Variants in HMCN2 observed in about 807,000 individuals in gnomAD.
HMCN2 encodes the protein hemicentin-2.
Under a neutral mutation model 377.5 loss-of-function variants are expected in HMCN2, and 325 were observed. The observed-to-expected ratio is 0.86, with a 90% CI of 0.79 to 0.94. The LOEUF (loss-of-function observed/expected upper bound fraction) is 0.94. Among genes scored for constraint, HMCN2 ranks in the 40% least tolerant of loss-of-function variants. The probability of loss-of-function intolerance (pLI) is 0.00; values close to 1 mark genes in which losing one functional copy is unlikely to be tolerated. For synonymous variants in HMCN2, 2,007 were observed against 2,046.8 expected (o/e 0.98, Z 0.53); for missense variants, 4,543 against 4,725.3 (o/e 0.96, Z 1.13).
rs1285992443 is a variant in HMCN2 at position 130,356,093 on chromosome 9, T to C, written c.5261T>C (p.Leu1754Pro). ...SGSPVPTIQW[L>P]QNGRPAEELA... ...CCCCTCCCTACTCACCTTAGGTGGC[T>C]GCAGAATGGCCGCCCAGCCGAGGAG... Residue 1754 changes from leucine (L) to proline (P), a missense_variant, in exon 34 of 98, where the codon CTG (leucine) becomes CCG (proline). Around this residue, in one of 5 missense-constraint regions of HMCN2, gnomAD observed 1,032 missense variants for 1,285.1 expected, o/e 0.80. Transcript: ENST00000683500. 4 of 1,287,142 alleles carry C rather than the reference T, an allele frequency of 3.1e-6. No individual in the cohort carries two copies. The highest frequency in any genetic ancestry group is 4.8e-5 in the Admixed American group (2 of 42,090). The allele number at this position is 1,287,142 out of a possible 1,614,324, so 79.7% of individuals were successfully genotyped here.
rs41306726 is a variant in HMCN2 at position 130,424,876 on chromosome 9, C to T, written c.13482C>T (p.Gly4494=). The change falls in exon 88 of 98, where the codon GGC becomes GGT. Residue 4494 remains glycine, a synonymous_variant. Coordinates refer to ENST00000683500, the MANE Select transcript of HMCN2 (RefSeq NM_001291815.2). ...EALNGHSLTG[G]RFRQESHVEF... The stretch of plus-strand genomic sequence containing the variant: ...TGAATGGCCACTCTCTGACTGGGGG[C>T]AGGTTCCGGCAGGAGTCACACGTGG... The T allele has an allele frequency of 3.9e-4, 573 of 1,460,230 alleles. 4 individuals are homozygous for T. Among genetic ancestry groups the T allele is most frequent in the South Asian group, 2.1e-3 (145 of 69,642 alleles). 90.5% of individuals were successfully genotyped at this position (1,460,230 alleles called of 1,614,324 possible).
At chr9:130,333,601 G>A (rs894666629) in intron 22 of HMCN2, among the ~76,000 whole-genome samples, 2 of 152,162 alleles carry the variant, frequency 1.3e-5, no homozygotes, top group Non-Finnish European at 2.9e-5. Flanking sequence ...AGTCTGCCCC[G>A]CTCATCACAC....
chr9:130,355,837 C>T lies in HMCN2; in HGVS notation c.5238C>T (p.Ser1746=). Reference sequence around the variant, plus strand: ...AACTTCCCTGCCAGGCCTCAGGCTCCCCAGTACCCACTATCCAGTGAGTCT... The same window carrying T: ...AACTTCCCTGCCAGGCCTCAGGCTCTCCAGTACCCACTATCCAGTGAGTCT... ...PLELPCQASG[S]PVPTIQWLQN... The change falls in exon 33 of 98, where the codon TCC becomes TCT. Residue 1746 remains serine (S), a synonymous_variant. Transcript: ENST00000683500. 1 of 1,303,184 alleles carries T rather than the reference C, an allele frequency of 7.7e-7. No homozygotes were observed. The highest frequency in any genetic ancestry group is 1.0e-6 in the Non-Finnish European group (1 of 988,352). The allele number at this position is 1,303,184 out of a possible 1,614,324, so 80.7% of individuals were successfully genotyped here. A position where few individuals can be genotyped will look rare whatever the true frequency, so the allele number is the denominator to read the frequency against.
intron 4 of HMCN2, among the ~76,000 whole-genome samples, chr9:130,293,279 G>GTTGTATTTTTTTTTTTTTTTTTTT (rs1835901930): frequency 1.8e-5 from 1 of 57,126 alleles, no homozygotes; most frequent in Non-Finnish European, 2.7e-5. Context: ...ACTCACTAAA[G>GTTGTATTTTTTTTTTTTTTTTTTT]TTTTTTTTTT....
rs1257775781 is a variant in HMCN2, at chr9:130,303,787, A to ACGGC, written c.1543+181_1543+184dup. The stretch of plus-strand genomic sequence containing the variant: ...TCATGTGGGGCCGTCTCACCCAGGA[A>ACGGC]CGGCCTGTGGGTCTCCGCTGGAGGA... On this transcript the variant is annotated intron_variant, in intron 10 of 97. Coordinates refer to ENST00000683500, the MANE Select transcript of HMCN2 (RefSeq NM_001291815.2). The surrounding 1 kb of genome is among the most constrained non-coding windows in gnomAD (Gnocchi z 5.2). Among the ~76,000 whole-genome samples, 1 of 151,866 alleles carries ACGGC rather than the reference A, an allele frequency of 6.6e-6. No individual in the cohort carries two copies. The highest frequency in any genetic ancestry group is 1.5e-5 in the Non-Finnish European group (1 of 67,980).
intron 30 of HMCN2, 110 bp from the exon 31 acceptor site, chr9:130,352,817 G>A (rs1839805808): frequency 2.2e-6 from 2 of 911,170 alleles, no homozygotes; most frequent in Non-Finnish European, 2.9e-6. Flanking sequence ...CCCCCGCAAT[G>A]GAAGCCTGTG....
intron 60 of HMCN2, 48 bp downstream of exon 60, chr9:130,385,810 C>G: frequency 8.0e-7 from 1 of 1,248,622 alleles, no homozygotes; most frequent in Non-Finnish European, 1.1e-6. Flanking sequence ...GCAGGAAAGT[C>G]GCCTCCCAGC....
At position 130,375,675 on chromosome 9, in the gene HMCN2, C is replaced by T. The variant is rs951196779; in HGVS notation, c.7743C>T (p.Asn2581=). Residue 2581 remains asparagine (N), a synonymous_variant, in exon 50 of 98, where the codon AAC becomes AAT. Transcript: ENST00000683500. ...ICEALAFPSP[N]ITWMKDGAPF... ...AGGCCCTGGCCTTCCCTTCCCCCAA[C>T]ATCACCTGGATGAAGGACGGGGCCC... 11 of 985,852 alleles carry T rather than the reference C, an allele frequency of 1.1e-5. No individual in the cohort carries two copies. Among genetic ancestry groups the T allele is most frequent in the African/African-American group, 1.7e-5 (1 of 57,258 alleles). The allele number at this position is 985,852 out of a possible 1,614,324, so 61.1% of individuals were successfully genotyped here.
intron 25 of HMCN2, among the ~76,000 whole-genome samples, chr9:130,345,176 G>T (rs899943778): frequency 4.2e-5 from 6 of 144,294 alleles, no homozygotes; most frequent in Non-Finnish European, 7.6e-5. Flanking sequence ...GTGTGTGTAT[G>T]GTGGTGTGTG....
chr9:130,398,483 A>G, intron 74 of HMCN2, 68 bp from the exon 75 acceptor site: 1 of 892,982 alleles, frequency 1.1e-6, no homozygotes, highest in Non-Finnish European at 1.4e-6. Context: ...GCCCCTGGGC[A>G]CAGCCTCAGA....
In HMCN2 at chr9:130,408,892, C is replaced by T. The variant is rs746340248; in HGVS notation, c.12838C>T (p.His4280Tyr). 13 of 1,289,598 alleles carry T rather than the reference C, an allele frequency of 1.0e-5. No homozygotes were observed. Among genetic ancestry groups the T allele is most frequent in the African/African-American group, 3.0e-5 (2 of 65,866 alleles). 79.9% of individuals were successfully genotyped at this position (1,289,598 alleles called of 1,614,324 possible). A position where few individuals can be genotyped will look rare whatever the true frequency, so the allele number is the denominator to read the frequency against. Residue 4280 changes from histidine (H) to tyrosine (Y), a missense_variant, in exon 84 of 98, where the codon CAC (histidine) becomes TAC (tyrosine). Physicochemically the swap from His to Tyr is moderately conservative, Grantham distance 83 (BLOSUM62 2). Around this residue, in one of 5 missense-constraint regions of HMCN2, gnomAD observed 1,155 missense variants for 1,157.7 expected, o/e 1.00. Coordinates refer to ENST00000683500, the MANE Select transcript of HMCN2 (RefSeq NM_001291815.2). The stretch of plus-strand genomic sequence containing the variant: ...TCCACTGCGGGGCAGCCACCTCCGG[C>T]ACCAGCTGCAGAATGGCTCGCTGAC... Reference protein sequence around the residue: ...GLPLRGSHLRHQLQNGSLTIR... With the variant: ...GLPLRGSHLRYQLQNGSLTIR...
chr9:130,375,288 G>A (rs1841313701), intron 49 of HMCN2, among the ~76,000 whole-genome samples: 1 of 152,182 alleles, frequency 6.6e-6, no homozygotes, highest in Admixed American at 6.5e-5. Flanking sequence ...TAGAGAGGCT[G>A]GATGTTGAGA....
intron 21 of HMCN2, among the ~76,000 whole-genome samples, chr9:130,326,494 C>T (rs920912109): frequency 3.3e-5 from 5 of 152,010 alleles, no homozygotes; most frequent in Admixed American, 1.3e-4. Flanking sequence ...ATAGGGCTGG[C>T]GCTCAGTAAA....
chr9:130,296,542 T>A (rs1289909116), intron 6 of HMCN2, 132 bp from the exon 7 acceptor site: 1 of 378,926 alleles, frequency 2.6e-6, no homozygotes, highest in East Asian at 7.4e-5. Context: ...GGAGGTAAGT[T>A]GCCCATGTGT....
chr9:130,392,628 T>C (rs1029343720), intron 66 of HMCN2, among the ~76,000 whole-genome samples: 1 of 151,948 alleles, frequency 6.6e-6, no homozygotes. Flanking sequence ...GGCTTCAGAA[T>C]GAGATTGGTT....
At chr9:130,383,452 G>C (rs1841841444) in intron 56 of HMCN2, 52 bp from the exon 57 acceptor site, 2 of 821,928 alleles carry the variant, frequency 2.4e-6, no homozygotes, top group Non-Finnish European at 1.5e-6. Context: ...TGGGGGTGGT[G>C]GTGTCCAAGG....
At position 130,366,848 on chromosome 9, in the gene HMCN2, G is replaced by C. The variant is rs1036307451; in HGVS notation, c.6625+853G>C. Among the ~76,000 whole-genome samples the C allele has an allele frequency of 2.0e-5, 3 of 152,214 alleles. No homozygotes were observed. The South Asian group carries it at 6.2e-4, about 32-fold the overall frequency. ...AAACAGATCCCCACCCTCACAATGG[G>C]GGCAGTCAGATAATAAACACACAGT... On this transcript the variant is annotated intron_variant, in intron 43 of 97. Transcript: ENST00000683500.
rs1302256775 is a variant in HMCN2 at position 130,394,001 on chromosome 9, C to T, written c.10494C>T (p.Thr3498=). 23 of 1,259,978 alleles carry T rather than the reference C, an allele frequency of 1.8e-5. No homozygotes were observed. The East Asian group carries it at 8.5e-4, about 47-fold the overall frequency. The allele number at this position is 1,259,978 out of a possible 1,614,324, so 78.0% of individuals were successfully genotyped here. A position where few individuals can be genotyped will look rare whatever the true frequency, so the allele number is the denominator to read the frequency against. Residue 3498 remains threonine, a synonymous_variant, in exon 68 of 98, where the codon ACC becomes ACT. Transcript: ENST00000683500. This position sits in a 1 kb window ranked among gnomAD's most constrained non-coding sequence, Gnocchi z 5.1. ...AAGCCAGGAGGCATTTCCAGCTGAC[C>T]GTCATGGGTGGGTCCTCTGGCCTCT... ...AGEARRHFQL[T]VMEPPHIEDS...
intron 15 of HMCN2, among the ~76,000 whole-genome samples, chr9:130,314,008 G>A (rs1408203689): frequency 2.0e-5 from 3 of 152,090 alleles, no homozygotes; most frequent in Admixed American, 6.5e-5. Context: ...TCGAACTCCC[G>A]ACCTCAGATG....
Sources: gnomAD v4.1 joint callset for allele counts (sites outside exome capture counted in the v4.1 genomes callset) on GRCh38, gnomAD v4.1.1 for gene constraint, gnomAD v4.1.1 regional missense constraint, Gnocchi (gnomAD v3.1) non-coding constraint, MANE v1.5 for transcripts, NCBI Gene and HGNC (gene_info 2026-07-23, HGNC 2026-07-21) for gene names.